The following CLSTN2 variants were observed in gnomAD, a reference collection of about 807,000 sequenced individuals.
CLSTN2 encodes the protein calsyntenin 2.
Under a neutral mutation model 101.2 loss-of-function variants are expected in CLSTN2, and 48 were observed. The observed-to-expected ratio is 0.47, with a 90% CI of 0.38 to 0.60. The LOEUF (loss-of-function observed/expected upper bound fraction) is 0.60. Among genes scored for constraint, CLSTN2 ranks in the 20% least tolerant of loss-of-function variants. The probability of loss-of-function intolerance (pLI) is 0.00; values close to 1 mark genes in which losing one functional copy is unlikely to be tolerated. For synonymous variants in CLSTN2, 481 were observed against 463.6 expected, an observed-to-expected ratio of 1.04 and a Z score of -0.48; for missense variants, 1,160 against 1,238.2, an observed-to-expected ratio of 0.94 and a Z score of 0.95.
chr3:140,397,858 A>G (rs1002173133), intron 2 of CLSTN2, among the ~76,000 whole-genome samples: 3 of 152,210 alleles, frequency 2.0e-5, no homozygotes, highest in Non-Finnish European at 4.4e-5. Flanking sequence ...GACATTATGC[A>G]TTGGTTGTTT....
At chr3:140,183,286 A>T (rs2010436182) in intron 2 of CLSTN2, among the ~76,000 whole-genome samples, 1 of 152,206 alleles carries the variant, frequency 6.6e-6, no homozygotes, top group Admixed American at 6.5e-5. Flanking sequence ...AGGGAGACAG[A>T]CTATCCTGGT....
At chr3:140,105,670 T>C (rs1282498262) in intron 1 of CLSTN2, among the ~76,000 whole-genome samples, 3 of 152,190 alleles carry the variant, frequency 2.0e-5, no homozygotes, top group Non-Finnish European at 2.9e-5. Flanking sequence ...GGGATGCTGT[T>C]TCATCAGACC....
chr3:140,012,998 G>A (rs1283678775), intron 1 of CLSTN2, among the ~76,000 whole-genome samples: 1 of 152,066 alleles, frequency 6.6e-6, no homozygotes. Context: ...GGCTGTCTTG[G>A]CCCAGGCAGC....
rs538862807 is a variant in CLSTN2 at position 140,325,851 on chromosome 3, G to A, written c.233-77778G>A. ...AACCAGACACAGCAGTAGGGTGGAC[G>A]CGTCAGGTTATAAATGACCCTGTCT... On this transcript the variant is annotated intron_variant, in intron 2 of 16. Transcript: ENST00000458420. 5.3e-5 allele frequency among the ~76,000 whole-genome samples: 8 copies of A among 152,252 alleles called. No individual in the cohort carries two copies. The East Asian group carries it at 5.8e-4, about 11-fold the overall frequency.
At chr3:140,516,143 A>G (rs1421073546) in intron 8 of CLSTN2, among the ~76,000 whole-genome samples, 1 of 152,138 alleles carries the variant, frequency 6.6e-6, no homozygotes, top group Non-Finnish European at 1.5e-5. Flanking sequence ...TTCTGATATA[A>G]GAATAGCTAC....
intron 2 of CLSTN2, among the ~76,000 whole-genome samples, chr3:140,355,055 A>G (rs940279727): frequency 1.4e-4 from 22 of 152,312 alleles, no homozygotes; most frequent in Non-Finnish European, 2.9e-4. Flanking sequence ...CTTAGTTGGT[A>G]GGGGAAGGAG....
At chr3:140,534,373 A>G (rs1016191845) in intron 9 of CLSTN2, among the ~76,000 whole-genome samples, 1 of 152,232 alleles carries the variant, frequency 6.6e-6, no homozygotes, top group Non-Finnish European at 1.5e-5. Context: ...CATGTCTGCA[A>G]GGCCAGCTAC....
chr3:140,513,730 C>T (rs1274575494), intron 8 of CLSTN2, among the ~76,000 whole-genome samples: 2 of 151,872 alleles, frequency 1.3e-5, no homozygotes, highest in Admixed American at 6.6e-5. Flanking sequence ...TTCTTTGTAC[C>T]TCTGGTAGAA....
In CLSTN2 at chr3:140,098,515, C is replaced by T. The variant is rs2008909099; in HGVS notation, c.110-77436C>T. Among the ~76,000 whole-genome samples the T allele has an allele frequency of 2.0e-5, 3 of 152,286 alleles. No individual in the cohort carries two copies. The South Asian group carries it at 6.2e-4, about 32-fold the overall frequency. ...AAGACTGAGGGAGACAGAGAAAGAGCTATATAGTGACATTAATTGCTTAAT... is the reference window on the plus strand; with the variant it reads ...AAGACTGAGGGAGACAGAGAAAGAGTTATATAGTGACATTAATTGCTTAAT... On this transcript the variant is annotated intron_variant, in intron 1 of 16. Coordinates refer to ENST00000458420, the MANE Select transcript of CLSTN2 (RefSeq NM_022131.3).
At chr3:140,257,460 A>G (rs2086613128) in intron 2 of CLSTN2, among the ~76,000 whole-genome samples, 1 of 152,064 alleles carries the variant, frequency 6.6e-6, no homozygotes, top group Non-Finnish European at 1.5e-5. Flanking sequence ...TAAATTGACT[A>G]TTGTTCAGTT....
At chr3:140,110,132 A>G (rs1221323105) in intron 1 of CLSTN2, among the ~76,000 whole-genome samples, 1 of 152,220 alleles carries the variant, frequency 6.6e-6, no homozygotes, top group African/African-American at 2.4e-5. Context: ...ATATTGGAAC[A>G]ATTCCACCTT....
intron 1 of CLSTN2, among the ~76,000 whole-genome samples, chr3:140,004,966 A>G (rs987193): frequency 0.21 from 31,429 of 152,162 alleles, 3,561 homozygotes; most frequent in Admixed American, 0.34. Context: ...ACAGTTTATG[A>G]TTCAAAAACA....
chr3:140,331,339 TG>T (rs906630843), intron 2 of CLSTN2, among the ~76,000 whole-genome samples: 31 of 152,254 alleles, frequency 2.0e-4, no homozygotes, highest in African/African-American at 7.0e-4. Flanking sequence ...ACAATGATGG[TG>T]GGGCTTCCTT....
At chr3:140,506,177 T>G (rs556756374) in intron 8 of CLSTN2, 1 of 152,210 alleles carries the variant, frequency 6.6e-6, no homozygotes, top group African/African-American at 2.4e-5. Context: ...TAGGAAAGAA[T>G]GAAAGGAGAA....
intron 8 of CLSTN2, among the ~76,000 whole-genome samples, chr3:140,503,991 C>T (rs66565597): frequency 0.17 from 26,207 of 152,118 alleles, 2,791 homozygotes; most frequent in East Asian, 0.4. Context: ...CTGCCCTCCC[C>T]TTAGCAGATA....
chr3:140,107,738 G>A (rs2009084474), intron 1 of CLSTN2, among the ~76,000 whole-genome samples: 1 of 152,174 alleles, frequency 6.6e-6, no homozygotes, highest in Non-Finnish European at 1.5e-5. Flanking sequence ...AACCAAGGAT[G>A]TAAGAGTCAC....
chr3:139,954,911 T>C (rs1490373269), intron 1 of CLSTN2, among the ~76,000 whole-genome samples: 1 of 151,924 alleles, frequency 6.6e-6, no homozygotes, highest in Non-Finnish European at 1.5e-5. Flanking sequence ...GCTGAGCAGT[T>C]TGATGTGAAT....
chr3:140,367,807 A>C (rs768304308), intron 2 of CLSTN2, among the ~76,000 whole-genome samples: 4 of 152,226 alleles, frequency 2.6e-5, no homozygotes, highest in Non-Finnish European at 5.9e-5. Flanking sequence ...CTTCATTTGT[A>C]AACCATAATG....
intron 8 of CLSTN2, among the ~76,000 whole-genome samples, chr3:140,481,791 T>C (rs1254787780): frequency 1.3e-5 from 2 of 152,362 alleles, no homozygotes; most frequent in East Asian, 1.9e-4. Context: ...TTTTTGCACA[T>C]TGATTTTGTA....
Sources: gnomAD v4.1 joint callset for allele counts (sites outside exome capture counted in the v4.1 genomes callset) on GRCh38, gnomAD v4.1.1 for gene constraint, MANE v1.5 for transcripts, NCBI Gene and HGNC (gene_info 2026-07-23, HGNC 2026-07-21) for gene names.